The following RYR2 variants were observed in gnomAD, a reference collection of about 807,000 sequenced individuals.
RYR2 encodes cardiac muscle ryanodine receptor-calcium release channel.
A neutral mutation model predicts 601.1 loss-of-function variants in RYR2; 227 were observed. The observed-to-expected ratio is 0.38, with a 90% CI of 0.34 to 0.42. The LOEUF is 0.42. Ranked by LOEUF, RYR2 falls within the 10% of genes least tolerant of loss-of-function variation. The pLI is 1.00. For missense variants in RYR2, 4,646 were observed against 6,156.5 expected, an observed-to-expected ratio of 0.75 and a Z score of 8.21; for synonymous variants, 2,223 against 2,175.1, an observed-to-expected ratio of 1.02 and a Z score of -0.61.
intron 2 of RYR2, among the ~76,000 whole-genome samples, chr1:237,323,639 A>G (rs371559766): frequency 1.3e-5 from 2 of 152,228 alleles, no homozygotes; most frequent in African/African-American, 4.8e-5. Flanking sequence ...AGCAAACCAT[A>G]TGGGATGCTA....
chr1:237,610,817 C>T lies in RYR2; in HGVS notation c.4739C>T (p.Pro1580Leu), dbSNP rs755303612. ...LFKSEHKNPV[P>L]QCPPRLHVQF... ...AAGAGTGAGCACAAGAACCCCGTGC[C>T]GCAGTGCCCCCCGCGCCTCCACGTG... Residue 1580 changes from proline to leucine, a missense_variant, in exon 36 of 105, where the codon CCG (proline) becomes CTG (leucine). Around this residue, in one of 17 missense-constraint regions of RYR2, gnomAD observed 1,807 missense variants for 2,088.1 expected, o/e 0.87. Transcript: ENST00000366574. This position sits in a 1 kb window ranked among gnomAD's most constrained non-coding sequence, Gnocchi z 4.9. The T allele has an allele frequency of 5.0e-6, 8 of 1,611,982 alleles. No individual in the cohort carries two copies. Among genetic ancestry groups the T allele is most frequent in the South Asian group, 1.1e-5 (1 of 90,600 alleles).
intron 3 of RYR2, 153 bp downstream of exon 3, chr1:237,331,135 C>G: frequency 1.4e-6 from 1 of 705,004 alleles, no homozygotes; most frequent in Non-Finnish European, 2.5e-6. Context: ...TCTGCTTTAT[C>G]TAGCATATTT....
At chr1:237,187,526 C>T (rs1243842644) in intron 1 of RYR2, among the ~76,000 whole-genome samples, 1 of 146,960 alleles carries the variant, frequency 6.8e-6, no homozygotes, top group East Asian at 2.0e-4. Flanking sequence ...TCACTACAGC[C>T]TCAGCCTCCC....
At chr1:237,667,353 A>G (rs1466228408) in intron 57 of RYR2, among the ~76,000 whole-genome samples, 2 of 152,230 alleles carry the variant, frequency 1.3e-5, no homozygotes, top group Admixed American at 6.5e-5. Flanking sequence ...ACGTATTAAA[A>G]TGACACAGTA....
At chr1:237,685,381 G>A (rs994908844) in intron 62 of RYR2, among the ~76,000 whole-genome samples, 1 of 152,118 alleles carries the variant, frequency 6.6e-6, no homozygotes, top group African/African-American at 2.4e-5. Context: ...AGCAGAGATT[G>A]TCAAGTCCTT....
chr1:237,090,495 A>G (rs1400232873), intron 1 of RYR2, among the ~76,000 whole-genome samples: 1 of 152,084 alleles, frequency 6.6e-6, no homozygotes, highest in Non-Finnish European at 1.5e-5. Context: ...GAACCAACAG[A>G]TTTTCCCCTA....
chr1:237,108,644 C>T (rs779926728), intron 1 of RYR2, among the ~76,000 whole-genome samples: 38 of 152,126 alleles, frequency 2.5e-4, no homozygotes, highest in African/African-American at 3.1e-4. Context: ...TGAGAGAGGC[C>T]GGGAGTGTGT....
chr1:237,383,664 C>G (rs1279007180), intron 8 of RYR2, among the ~76,000 whole-genome samples: 1 of 151,856 alleles, frequency 6.6e-6, no homozygotes, highest in Non-Finnish European at 1.5e-5. Context: ...CTCCTGACCT[C>G]GTGATCTGCC....
rs1658167773 is a variant in RYR2, at chr1:237,451,868, A to G, written c.1293-2523A>G. ...TAATTTAAAAATTTTTACCTTTTGG[A>G]AAGAAAGTCAAGATAGTTAATCATT... On this transcript the variant is annotated intron_variant, in intron 14 of 104. Transcript: ENST00000366574. Among the ~76,000 whole-genome samples the G allele has an allele frequency of 2.0e-5, 3 of 151,804 alleles. No individual in the cohort carries two copies. In the South Asian group the frequency reaches 6.2e-4, roughly 32 times the overall value.
rs2148727676 is a variant in RYR2, at chr1:237,639,049, G to A, written c.6963G>A (p.Val2321=). 1 of 1,613,916 alleles carries A rather than the reference G, an allele frequency of 6.2e-7. No individual in the cohort carries two copies. Among genetic ancestry groups the A allele is most frequent in the Non-Finnish European group, 8.5e-7 (1 of 1,179,864 alleles). ...TGGAGGAAAATGCAAATGTCGTGGTGAGATTGCTCATTCGGAGGCCTGAGT... is the reference window on the plus strand; with the variant it reads ...TGGAGGAAAATGCAAATGTCGTGGTAAGATTGCTCATTCGGAGGCCTGAGT... The part of the protein sequence containing the change: ...ESVEENANVV[V]RLLIRRPECF... Residue 2321 remains valine (V), a synonymous_variant, in exon 46 of 105, where the codon GTG becomes GTA. Transcript: ENST00000366574.
Position 237,212,521 on chromosome 1 carries a change from A to G in RYR2, c.49-57976A>G, listed in dbSNP as rs531674706. On this transcript the variant is annotated intron_variant, in intron 1 of 104. Coordinates refer to ENST00000366574, the MANE Select transcript of RYR2 (RefSeq NM_001035.3). Reference sequence around the variant, plus strand: ...TTTGGAGGCTGCTGCGGGAGGATCAATTGAGCCCAGGTGTTGGAGGCTGCA... The same window carrying G: ...TTTGGAGGCTGCTGCGGGAGGATCAGTTGAGCCCAGGTGTTGGAGGCTGCA... 7.9e-5 allele frequency among the ~76,000 whole-genome samples: 12 copies of G among 152,272 alleles called. No homozygotes were observed. In the East Asian group the frequency reaches 2.1e-3, roughly 27 times the overall value.
At chr1:237,074,725 A>G (rs766841168) in intron 1 of RYR2, among the ~76,000 whole-genome samples, 22 of 152,176 alleles carry the variant, frequency 1.4e-4, no homozygotes, top group Non-Finnish European at 1.8e-4. Flanking sequence ...GCCCAGTGTA[A>G]GAGTCTGTCT....
chr1:237,200,997 G>A (rs1681131276), intron 1 of RYR2, among the ~76,000 whole-genome samples: 1 of 152,184 alleles, frequency 6.6e-6, no homozygotes, highest in Non-Finnish European at 1.5e-5. Context: ...AGTAATCAAT[G>A]TAGGGTTCCC....
At chr1:237,150,790 G>T (rs1322923591) in intron 1 of RYR2, among the ~76,000 whole-genome samples, 1 of 152,102 alleles carries the variant, frequency 6.6e-6, no homozygotes, top group Non-Finnish European at 1.5e-5. Context: ...GTTCATGTCT[G>T]GAGGAATTAA....
intron 56 of RYR2, among the ~76,000 whole-genome samples, chr1:237,665,515 G>A (rs1039214287): frequency 1.3e-5 from 2 of 152,164 alleles, no homozygotes; most frequent in Non-Finnish European, 2.9e-5. Flanking sequence ...AGAGTTTGGG[G>A]CTGCCCTGCG....
chr1:237,726,896 G>A (rs1054208970), intron 75 of RYR2, among the ~76,000 whole-genome samples, 191 bp from the exon 76 acceptor site: 2 of 152,010 alleles, frequency 1.3e-5, no homozygotes, highest in African/African-American at 4.8e-5. Context: ...TTATCTTTGG[G>A]TAACTTTTAG....
intron 17 of RYR2, among the ~76,000 whole-genome samples, chr1:237,487,535 A>T (rs1483689212): frequency 6.9e-6 from 1 of 145,304 alleles, no homozygotes; most frequent in Admixed American, 7.0e-5. Context: ...GGGCAACATA[A>T]TGAGACCACC....
chr1:237,494,365 A>G (rs1663793398), intron 19 of RYR2, among the ~76,000 whole-genome samples: 1 of 152,186 alleles, frequency 6.6e-6, no homozygotes, highest in South Asian at 2.1e-4. Context: ...AAGGGCAGAA[A>G]GCACCCAGCA....
intron 92 of RYR2, 115 bp downstream of exon 92, chr1:237,788,250 C>A: frequency 2.7e-6 from 2 of 741,110 alleles, no homozygotes; most frequent in Non-Finnish European, 4.4e-6. Context: ...CCAGGTTAGT[C>A]CAGCACATGT....
Sources: gnomAD v4.1 joint callset for allele counts (sites outside exome capture counted in the v4.1 genomes callset) on GRCh38, gnomAD v4.1.1 for gene constraint, gnomAD v4.1.1 regional missense constraint, Gnocchi (gnomAD v3.1) non-coding constraint, MANE v1.5 for transcripts, NCBI Gene and HGNC (gene_info 2026-07-23, HGNC 2026-07-21) for gene names.